Variants in RPS6KA5 observed in about 807,000 individuals in gnomAD.
The protein encoded by RPS6KA5 is ribosomal protein S6 kinase A5.
In RPS6KA5, 27 loss-of-function variants were observed where a neutral mutation model predicts 85.5. The observed-to-expected ratio is 0.32, with a 90% CI of 0.23 to 0.44. The LOEUF (loss-of-function observed/expected upper bound fraction) is 0.44, where lower values mean the gene tolerates loss of function less well. Ranked by LOEUF, RPS6KA5 falls within the 20% of genes least tolerant of loss-of-function variation. The probability of loss-of-function intolerance (pLI) is 1.00; values close to 1 mark genes in which losing one functional copy is unlikely to be tolerated. For synonymous variants in RPS6KA5, 334 were observed against 348.2 expected (o/e 0.96, Z 0.46); for missense variants, 811 against 980.9 (o/e 0.83, Z 2.31).
chr14:90,969,207 T>C (rs2039209990), intron 3 of RPS6KA5, among the ~76,000 whole-genome samples: 1 of 152,206 alleles, frequency 6.6e-6, no homozygotes. Flanking sequence ...TTTCCAAGAT[T>C]CTTAAGCAAC....
At chr14:90,983,082 C>T (rs924867552) in intron 2 of RPS6KA5, among the ~76,000 whole-genome samples, 1 of 150,584 alleles carries the variant, frequency 6.6e-6, no homozygotes, top group Non-Finnish European at 1.5e-5. Context: ...CACTGCACTC[C>T]GGCCTGGGCA....
At position 90,863,710 on chromosome 14, in the gene RPS6KA5, T is replaced by A. The variant is rs2032681340; in HGVS notation, c.*8364A>T. Reference sequence around the variant, plus strand: ...TATAAATCTAACCTCTACATGTAAATCTATAAAACACTGGTGAGACAAATT... The same window carrying A: ...TATAAATCTAACCTCTACATGTAAAACTATAAAACACTGGTGAGACAAATT... On this transcript the variant is annotated 3_prime_UTR_variant, in exon 17 of 17. Transcript: ENST00000614987. 1 of 152,100 alleles carries A rather than the reference T, an allele frequency of 6.6e-6. No individual in the cohort carries two copies. Among genetic ancestry groups the A allele is most frequent in the South Asian group, 2.1e-4 (1 of 4,830 alleles). 9.4% of individuals were successfully genotyped at this position (152,100 alleles called of 1,614,324 possible).
chr14:90,944,141 TAACA>T (rs2140358216), intron 4 of RPS6KA5, among the ~76,000 whole-genome samples: 1 of 152,366 alleles, frequency 6.6e-6, no homozygotes, highest in South Asian at 2.1e-4. Flanking sequence ...TTCAGCTATA[TAACA>T]AATAATCTAT....
chr14:90,950,902 C>G (rs1017551541), intron 3 of RPS6KA5, among the ~76,000 whole-genome samples: 6 of 151,826 alleles, frequency 4.0e-5, no homozygotes, highest in African/African-American at 1.5e-4. Context: ...AGGCGGATCA[C>G]TTGACGTCAT....
intron 5 of RPS6KA5, among the ~76,000 whole-genome samples, chr14:90,932,179 A>G (rs2037019301): frequency 6.6e-6 from 1 of 152,164 alleles, no homozygotes. Flanking sequence ...GCTGGAGTGC[A>G]GTGGCATGAT....
At chr14:90,984,214 G>A (rs1011967453) in intron 2 of RPS6KA5, among the ~76,000 whole-genome samples, 2 of 152,194 alleles carry the variant, frequency 1.3e-5, no homozygotes, top group African/African-American at 4.8e-5. Context: ...TTGAGGTAGA[G>A]GTTCTACTTT....
chr14:91,034,620 A>G (rs542870527), intron 1 of RPS6KA5, among the ~76,000 whole-genome samples: 1 of 152,264 alleles, frequency 6.6e-6, no homozygotes, highest in African/African-American at 2.4e-5. Flanking sequence ...GCAGCAACAA[A>G]TAAGGGAATA....
chr14:90,993,155 A>G (rs1466452129), intron 2 of RPS6KA5, among the ~76,000 whole-genome samples: 1 of 152,152 alleles, frequency 6.6e-6, no homozygotes, highest in Non-Finnish European at 1.5e-5. Context: ...ATGTTTGAAA[A>G]TGTTGGCTGG....
At chr14:90,890,418 AGAGT>A in intron 14 of RPS6KA5, 65 bp downstream of exon 14, 3 of 1,317,148 alleles carry the variant, frequency 2.3e-6, no homozygotes, top group Non-Finnish European at 3.0e-6. Flanking sequence ...GAAACAGTGA[AGAGT>A]GAGATAAGGA....
At chr14:91,004,836 C>T (rs574717381) in intron 1 of RPS6KA5, among the ~76,000 whole-genome samples, 85 of 152,036 alleles carry the variant, frequency 5.6e-4, no homozygotes, top group Non-Finnish European at 9.7e-4. Context: ...GGCATGGTGG[C>T]GGGCGCCTGT....
At chr14:90,885,285 G>A (rs2034119298) in intron 14 of RPS6KA5, among the ~76,000 whole-genome samples, 1 of 150,606 alleles carries the variant, frequency 6.6e-6, no homozygotes, top group Non-Finnish European at 1.5e-5. Flanking sequence ...GGGCACGGTG[G>A]CTCACACCTG....
intron 1 of RPS6KA5, among the ~76,000 whole-genome samples, chr14:91,052,162 T>G (rs1211515626): frequency 6.7e-6 from 1 of 150,316 alleles, no homozygotes; most frequent in Non-Finnish European, 1.5e-5. Flanking sequence ...AAATCTTTAC[T>G]TAAGGCCAGA....
Position 90,868,663 on chromosome 14 carries a change from G to A in RPS6KA5, c.*3411C>T, listed in dbSNP as rs1374727985. 6.6e-6 allele frequency: 1 copy of A among 152,056 alleles called. No individual in the cohort carries two copies. Among genetic ancestry groups the A allele is most frequent in the Admixed American group, 6.6e-5 (1 of 15,258 alleles). The allele number at this position is 152,056 out of a possible 1,614,324, so 9.4% of individuals were successfully genotyped here. A position where few individuals can be genotyped will look rare whatever the true frequency, so the allele number is the denominator to read the frequency against. The stretch of plus-strand genomic sequence containing the variant: ...AATTTAGAAATTTTCACCATTATGA[G>A]GTACCCTGTTTTTAATAAATATGAC... On this transcript the variant is annotated 3_prime_UTR_variant, in exon 17 of 17. Coordinates refer to ENST00000614987, the MANE Select transcript of RPS6KA5 (RefSeq NM_004755.4).
At chr14:90,977,319 G>A (rs1295297898) in intron 3 of RPS6KA5, among the ~76,000 whole-genome samples, 1 of 152,170 alleles carries the variant, frequency 6.6e-6, no homozygotes, top group Non-Finnish European at 1.5e-5. Flanking sequence ...AATCTTCAAC[G>A]ATGGTAGAAC....
chr14:90,939,920 T>G (rs1313944498), intron 5 of RPS6KA5, among the ~76,000 whole-genome samples: 1 of 152,150 alleles, frequency 6.6e-6, no homozygotes, highest in South Asian at 2.1e-4. Context: ...GGGGCTGACA[T>G]GGAAACCAAA....
At chr14:91,026,942 A>G (rs2042011193) in intron 1 of RPS6KA5, among the ~76,000 whole-genome samples, 1 of 152,116 alleles carries the variant, frequency 6.6e-6, no homozygotes, top group African/African-American at 2.4e-5. Context: ...GCGTCTGTTC[A>G]TGTGTTTTCC....
intron 7 of RPS6KA5, among the ~76,000 whole-genome samples, chr14:90,914,959 T>C (rs1479685981): frequency 6.6e-6 from 1 of 152,210 alleles, no homozygotes; most frequent in Non-Finnish European, 1.5e-5. Context: ...GATGCTCATA[T>C]TGGGTACAGA....
intron 1 of RPS6KA5, among the ~76,000 whole-genome samples, chr14:91,046,437 C>G (rs2042873502): frequency 1.3e-5 from 2 of 152,132 alleles, no homozygotes; most frequent in Non-Finnish European, 2.9e-5. Context: ...AGGTAAAAAA[C>G]ATAGGTAAAA....
intron 7 of RPS6KA5, among the ~76,000 whole-genome samples, chr14:90,908,409 C>T (rs913956515): frequency 6.6e-6 from 1 of 152,182 alleles, no homozygotes; most frequent in African/African-American, 2.4e-5. Context: ...GAGTGAAAAT[C>T]CTATGGCCAG....
Sources: gnomAD v4.1 joint callset for allele counts (sites outside exome capture counted in the v4.1 genomes callset) on GRCh38, gnomAD v4.1.1 for gene constraint, MANE v1.5 for transcripts, NCBI Gene and HGNC (gene_info 2026-07-23, HGNC 2026-07-21) for gene names.